Variants in GOLGA3 observed in about 807,000 individuals in gnomAD.
GOLGA3 encodes the protein golgin A3, also known as golgin subfamily A member 3.
Under a neutral mutation model 169.4 loss-of-function variants are expected in GOLGA3, and 75 were observed. That is an observed-to-expected ratio of 0.44 (90% CI 0.37 to 0.54). The LOEUF is 0.54. Among genes scored for constraint, GOLGA3 ranks in the 20% least tolerant of loss-of-function variants. The pLI is 0.00. For synonymous variants in GOLGA3, 824 were observed against 822.4 expected, an observed-to-expected ratio of 1.00 and a Z score of -0.03; for missense variants, 1,899 against 1,930.0, an observed-to-expected ratio of 0.98 and a Z score of 0.30.
At chr12:132,784,028 A>G in intron 16 of GOLGA3, 136 bp downstream of exon 16, 1 of 1,526,800 alleles carries the variant, frequency 6.5e-7, no homozygotes, top group Non-Finnish European at 8.8e-7. Context: ...GCCGACGGTC[A>G]GAAGGTGGCA....
intron 1 of GOLGA3, chr12:132,828,256 C>A (rs1290378303): frequency 6.6e-6 from 1 of 152,238 alleles, no homozygotes; most frequent in African/African-American, 2.4e-5. Context: ...TAGGTGGGCT[C>A]CGCGGGGGCA....
chr12:132,784,445 CTTTT>C (rs1172244102), intron 15 of GOLGA3, 138 bp from the exon 16 acceptor site: 2 of 722,044 alleles, frequency 2.8e-6, no homozygotes, highest in Non-Finnish European at 4.6e-6. Flanking sequence ...CACAACCTTC[CTTTT>C]TGTTAAAGAA....
At chr12:132,784,420 TG>T (rs2045782211) in intron 15 of GOLGA3, 113 bp from the exon 16 acceptor site, 13 of 869,756 alleles carry the variant, frequency 1.5e-5, no homozygotes. Flanking sequence ...AGACACCAGC[TG>T]TCTGACACAG....
At chr12:132,783,477 T>C (rs4554924) in intron 16 of GOLGA3, among the ~76,000 whole-genome samples, 32,700 of 82,074 alleles carry the variant, frequency 0.4, 3,674 homozygotes, top group Non-Finnish European at 0.44. Flanking sequence ...GGCCCTACTG[T>C]GACGGAGCTC....
At chr12:132,820,689 C>T (rs957832294) in intron 2 of GOLGA3, among the ~76,000 whole-genome samples, 2 of 152,190 alleles carry the variant, frequency 1.3e-5, no homozygotes, top group Non-Finnish European at 2.9e-5. Flanking sequence ...CACCCTTTCC[C>T]TCTGACACGT....
At chr12:132,785,149 G>A (rs1051767469) in intron 15 of GOLGA3, among the ~76,000 whole-genome samples, 6 of 152,178 alleles carry the variant, frequency 3.9e-5, no homozygotes, top group Middle Eastern at 3.2e-3. Context: ...ACATCGGCTC[G>A]CAGCTGTGCT....
In GOLGA3 at chr12:132,801,851, C is replaced by G. The variant is rs1949142899; in HGVS notation, c.1716G>C (p.Gln572His). 6.2e-7 allele frequency: 1 copy of G among 1,608,008 alleles called. No homozygotes were observed. The highest frequency in any genetic ancestry group is 1.3e-5 in the African/African-American group (1 of 75,038). The change falls in exon 8 of 24, where the codon CAG becomes CAC. Residue 572 changes from glutamine to histidine, a missense_variant. Coordinates refer to ENST00000450791, the MANE Select transcript of GOLGA3 (RefSeq NM_001389683.1). ...KASQAEISSL[Q>H]SVRQWYQQQL... ...GCTGCTGGTACCACTGCCGGACACT[C>G]TGCAGGGACGAGATCTCCGCCTGCG...
rs1306323929 is a variant in GOLGA3, at chr12:132,808,093, G to A, written c.976C>T (p.Arg326Ter). Residue 326 changes from arginine to a stop codon, truncating the protein, a stop_gained, in exon 5 of 24, where the codon CGA (arginine) becomes TGA (stop). Coordinates refer to ENST00000450791, the MANE Select transcript of GOLGA3 (RefSeq NM_001389683.1). LOFTEE classifies it high-confidence loss of function. ...DSSSYSSAST[R>*]GTYGILSKTV... ...TTCGACAGAATGCCATAGGTCCCTC[G>A]GGTGGAGGCGCTGCTGTACGATGAG... The A allele has an allele frequency of 1.9e-6, 3 of 1,597,194 alleles. No homozygotes were observed. Among genetic ancestry groups the A allele is most frequent in the Non-Finnish European group, 2.6e-6 (3 of 1,170,184 alleles).
chr12:132,798,104 G>A (rs1318350859), intron 9 of GOLGA3, among the ~76,000 whole-genome samples: 3 of 147,394 alleles, frequency 2.0e-5, no homozygotes, highest in Admixed American at 2.0e-4. Context: ...TGAGGGGTGG[G>A]GGGGGTCCCA....
intron 3 of GOLGA3, among the ~76,000 whole-genome samples, chr12:132,815,365 G>C (rs1157833459): frequency 6.6e-6 from 1 of 152,214 alleles, no homozygotes; most frequent in East Asian, 1.9e-4. Flanking sequence ...CGTAGACCCA[G>C]CGCTGCTGCC....
intron 11 of GOLGA3, among the ~76,000 whole-genome samples, chr12:132,792,483 T>A (rs1455507729): frequency 6.6e-6 from 1 of 152,190 alleles, no homozygotes. Context: ...CTGGTCCTTG[T>A]CCTGCAAAGT....
chr12:132,810,614 A>AGC (rs1454149971), intron 4 of GOLGA3, among the ~76,000 whole-genome samples: 3 of 152,206 alleles, frequency 2.0e-5, no homozygotes, highest in Non-Finnish European at 4.4e-5. Flanking sequence ...CCAGAAGACA[A>AGC]GTGCGAGCCT....
chr12:132,828,002 A>T (rs1196640962), intron 1 of GOLGA3: 1 of 151,790 alleles, frequency 6.6e-6, no homozygotes, highest in Non-Finnish European at 1.5e-5. Context: ...ACCTGCCTAC[A>T]CCAACATCCT....
chr12:132,807,088 C>T (rs1391778474), intron 6 of GOLGA3, 89 bp downstream of exon 6: 18 of 734,152 alleles, frequency 2.5e-5, no homozygotes, highest in Non-Finnish European at 3.5e-5. Flanking sequence ...GATTCCCAAC[C>T]ACATCTGTGA....
chr12:132,796,485 C>T, intron 10 of GOLGA3, 54 bp downstream of exon 10: 1 of 1,560,020 alleles, frequency 6.4e-7, no homozygotes, highest in Non-Finnish European at 8.6e-7. Context: ...GCAGTCCTGG[C>T]TGCTCGGGAT....
chr12:132,821,827 C>A (rs1173599119), intron 2 of GOLGA3, among the ~76,000 whole-genome samples, 169 bp downstream of exon 2: 1 of 143,454 alleles, frequency 7.0e-6, no homozygotes, highest in Non-Finnish European at 1.5e-5. Context: ...GCAGTCCAGC[C>A]TGGGCGAAAG....
At chr12:132,782,694 T>C (rs1426347529) in intron 16 of GOLGA3, among the ~76,000 whole-genome samples, 1 of 151,932 alleles carries the variant, frequency 6.6e-6, no homozygotes, top group Admixed American at 6.6e-5. Context: ...CTGGCCAACA[T>C]GGTGAAACCC....
At chr12:132,774,630 T>C (rs1031020925) in intron 22 of GOLGA3, 2 of 443,136 alleles carry the variant, frequency 4.5e-6, no homozygotes, top group Non-Finnish European at 8.0e-6. Context: ...CATCAGATAC[T>C]CAAGACCTTG....
intron 4 of GOLGA3, among the ~76,000 whole-genome samples, chr12:132,810,772 G>A (rs1949665458): frequency 6.6e-6 from 1 of 151,922 alleles, no homozygotes; most frequent in Non-Finnish European, 1.5e-5. Context: ...AGAGTTTAGA[G>A]AAGACTCTAC....
Sources: gnomAD v4.1 joint callset for allele counts (sites outside exome capture counted in the v4.1 genomes callset) on GRCh38, gnomAD v4.1.1 for gene constraint, MANE v1.5 for transcripts, NCBI Gene and HGNC (gene_info 2026-07-23, HGNC 2026-07-21) for gene names.